Variants in COL4A4 observed in about 807,000 individuals in gnomAD.
COL4A4 encodes collagen type IV alpha 4 chain.
In COL4A4, 105 loss-of-function variants were observed where a neutral mutation model predicts 192.9. The observed-to-expected ratio is 0.54, with a 90% CI of 0.46 to 0.64. The LOEUF (loss-of-function observed/expected upper bound fraction) is 0.64, where lower values mean the gene tolerates loss of function less well. COL4A4 is among the 30% of genes least tolerant of loss of function. The pLI is 0.00. For synonymous variants in COL4A4, 762 were observed against 769.9 expected (o/e 0.99, Z 0.17); for missense variants, 1,967 against 2,169.3 (o/e 0.91, Z 1.85).
At chr2:227,077,453 G>A (rs967273708) in intron 25 of COL4A4, among the ~76,000 whole-genome samples, 1 of 152,140 alleles carries the variant, frequency 6.6e-6, no homozygotes, top group Non-Finnish European at 1.5e-5. Flanking sequence ...AGAACACATG[G>A]ACACAGGGAG....
chr2:227,088,079 C>T (rs2059698250), intron 22 of COL4A4, among the ~76,000 whole-genome samples: 1 of 152,216 alleles, frequency 6.6e-6, no homozygotes, highest in East Asian at 1.9e-4. Flanking sequence ...ACATAGCAGG[C>T]ACTTAACAAT....
intron 13 of COL4A4, 145 bp downstream of exon 13, chr2:227,103,827 C>T (rs2060662476): frequency 4.2e-6 from 3 of 711,082 alleles, no homozygotes; most frequent in South Asian, 1.6e-5. Flanking sequence ...ACGATGGGGC[C>T]AACAGTAGTA....
In COL4A4 at chr2:227,002,777, A is replaced by G. The variant is rs1249199605; in HGVS notation, c.*4548T>C. 1 of 152,696 alleles carries G rather than the reference A, an allele frequency of 6.5e-6. No homozygotes were observed. The allele number at this position is 152,696 out of a possible 1,614,324, so 9.5% of individuals were successfully genotyped here. A position where few individuals can be genotyped will look rare whatever the true frequency, so the allele number is the denominator to read the frequency against. ...CATATTATAAATCGTAATACAACAA[A>G]TATTTAAGTGCCAATGGCAGACCAG... On this transcript the variant is annotated 3_prime_UTR_variant, in exon 48 of 48. Coordinates refer to ENST00000396625, the MANE Select transcript of COL4A4 (RefSeq NM_000092.5).
chr2:227,067,515 A>G (rs2058422431), intron 25 of COL4A4, among the ~76,000 whole-genome samples: 1 of 152,146 alleles, frequency 6.6e-6, no homozygotes, highest in Admixed American at 6.5e-5. Context: ...ATAACAAACT[A>G]TCTCTCAGAC....
chr2:227,003,671 A>T lies in COL4A4; in HGVS notation c.*3654T>A, dbSNP rs558108947. Reference sequence around the variant, plus strand: ...TCCATTGACTATTTTTCGGAGCACCAATAACATGTACACAAACGTTTAGCA... The same window carrying T: ...TCCATTGACTATTTTTCGGAGCACCTATAACATGTACACAAACGTTTAGCA... On this transcript the variant is annotated 3_prime_UTR_variant, in exon 48 of 48. Transcript: ENST00000396625. 2.0e-5 allele frequency: 3 copies of T among 152,348 alleles called. No individual in the cohort carries two copies. The highest frequency in any genetic ancestry group is 4.8e-5 in the African/African-American group (2 of 41,588). The allele number at this position is 152,348 out of a possible 1,614,324, so 9.4% of individuals were successfully genotyped here.
chr2:227,015,812 G>T (rs1964737692), intron 44 of COL4A4, among the ~76,000 whole-genome samples: 1 of 152,180 alleles, frequency 6.6e-6, no homozygotes, highest in Admixed American at 6.5e-5. Context: ...ATAGAAGTAA[G>T]GTTATGTTAA....
At chr2:227,099,561 C>G (rs569047729) in intron 18 of COL4A4, 59 bp downstream of exon 18, 1 of 1,498,446 alleles carries the variant, frequency 6.7e-7, no homozygotes, top group Admixed American at 1.7e-5. Flanking sequence ...CTCTTCTGTC[C>G]TGGCCACTCA....
intron 12 of COL4A4, among the ~76,000 whole-genome samples, chr2:227,107,756 CTTTTT>C (rs71036157): frequency 1.8e-5 from 2 of 109,204 alleles, no homozygotes; most frequent in Non-Finnish European, 1.8e-5. Flanking sequence ...AATCACTTTT[CTTTTT>C]TTTTTTTTTT....
chr2:227,114,047 C>T (rs1310514236), intron 8 of COL4A4, among the ~76,000 whole-genome samples: 3 of 152,186 alleles, frequency 2.0e-5, no homozygotes, highest in African/African-American at 7.2e-5. Context: ...GAAAACACAA[C>T]ACCATTAAAT....
intron 9 of COL4A4, 40 bp downstream of exon 9, chr2:227,111,638 A>C: frequency 6.2e-7 from 1 of 1,604,152 alleles, no homozygotes; most frequent in Non-Finnish European, 8.5e-7. Context: ...AGGCTATTTG[A>C]GGAGGAAATA....
intron 17 of COL4A4, among the ~76,000 whole-genome samples, chr2:227,101,257 G>A (rs909625711): frequency 1.3e-5 from 2 of 152,058 alleles, no homozygotes; most frequent in Admixed American, 6.6e-5. Context: ...TGATTGTGAG[G>A]CCTCCCCAGC....
Position 227,005,179 on chromosome 2 carries a change from C to T in COL4A4, c.*2146G>A, listed in dbSNP as rs1961829902. 6.6e-6 allele frequency: 1 copy of T among 150,528 alleles called. No homozygotes were observed. The highest frequency in any genetic ancestry group is 1.5e-5 in the Non-Finnish European group (1 of 67,750). 9.3% of individuals were successfully genotyped at this position (150,528 alleles called of 1,614,324 possible). A position where few individuals can be genotyped will look rare whatever the true frequency, so the allele number is the denominator to read the frequency against. On this transcript the variant is annotated 3_prime_UTR_variant, in exon 48 of 48. Coordinates refer to ENST00000396625, the MANE Select transcript of COL4A4 (RefSeq NM_000092.5). ...AGCTCACTGTGGAGTAAACTGTCTA[C>T]ATAATTTAGCCTGTCTTTGTGTGGG...
chr2:226,972,384 G>T, the COL4A4 span, among the ~76,000 whole-genome samples: 1 of 152,178 alleles, frequency 6.6e-6, no homozygotes, highest in Non-Finnish European at 1.5e-5. Context: ...AATGAGAGGA[G>T]GGAAGAGAGA....
chr2:227,039,742 A>C (rs1367139920), intron 37 of COL4A4, among the ~76,000 whole-genome samples: 1 of 152,226 alleles, frequency 6.6e-6, no homozygotes, highest in Non-Finnish European at 1.5e-5. Context: ...GACACAAAAA[A>C]GTGTCAAAGA....
chr2:227,034,570 A>AATTT (rs983692697), intron 37 of COL4A4, among the ~76,000 whole-genome samples: 9 of 144,658 alleles, frequency 6.2e-5, no homozygotes, highest in South Asian at 2.2e-4. Context: ...TTAATTAATT[A>AATTT]ATTTATTTAT....
Position 227,118,695 on chromosome 2 carries a change from C to A in COL4A4, c.439G>T (p.Asp147Tyr). 1 of 1,614,078 alleles carries A rather than the reference C, an allele frequency of 6.2e-7. No homozygotes were observed. The highest frequency in any genetic ancestry group is 8.5e-7 in the Non-Finnish European group (1 of 1,180,022). The change falls in exon 7 of 48, where the codon GAC (aspartate) becomes TAC (tyrosine). Residue 147 changes from aspartate (D) to tyrosine (Y), a missense_variant. Asp to Tyr is a radical substitution (Grantham distance 160, BLOSUM62 -3). Transcript: ENST00000396625. ...GMSGHNGSRG[D>Y]PGFPGGRGAL... Reference sequence around the variant, plus strand: ...CCTCTTCCTCCTGGAAACCCTGGGTCACCTCTTGAGCCATTGTGGCCACTC... The same window carrying A: ...CCTCTTCCTCCTGGAAACCCTGGGTAACCTCTTGAGCCATTGTGGCCACTC...
intron 10 of COL4A4, 99 bp from the exon 11 acceptor site, chr2:227,108,967 C>T: frequency 1.6e-6 from 2 of 1,226,036 alleles, no homozygotes; most frequent in South Asian, 2.4e-5. Flanking sequence ...TTTAGGAAAC[C>T]CTTAATTTTA....
intron 9 of COL4A4, 160 bp from the exon 10 acceptor site, chr2:227,109,446 G>A (rs1232170112): frequency 1.4e-6 from 1 of 729,236 alleles, no homozygotes; most frequent in Non-Finnish European, 2.5e-6. Context: ...CTTTGATGCA[G>A]CCCTAAAAGG....
At chr2:227,112,558 C>G (rs370390430) in intron 8 of COL4A4, among the ~76,000 whole-genome samples, 1 of 152,194 alleles carries the variant, frequency 6.6e-6, no homozygotes, top group Non-Finnish European at 1.5e-5. Flanking sequence ...CGTGAGCCAC[C>G]ACGCCTGGCC....
Sources: allele counts gnomAD v4.1 joint callset (sites outside exome capture counted in the v4.1 genomes callset), GRCh38; gene constraint gnomAD v4.1.1; transcripts MANE v1.5; gene names NCBI Gene and HGNC (gene_info 2026-07-23, HGNC 2026-07-21).